The following GPC5 variants were observed in gnomAD, a reference collection of about 807,000 sequenced individuals.
GPC5 encodes glypican-5.
A neutral mutation model predicts 53.9 loss-of-function variants in GPC5; 47 were observed. The observed-to-expected ratio is 0.87, with a 90% CI of 0.69 to 1.11. The LOEUF is 1.11. GPC5 is among the 50% of genes most tolerant of loss of function. The probability of loss-of-function intolerance (pLI) is 0.00; values close to 1 mark genes in which losing one functional copy is unlikely to be tolerated. For missense variants in GPC5, 748 were observed against 713.1 expected, an observed-to-expected ratio of 1.05 and a Z score of -0.56; for synonymous variants, 286 against 263.3, an observed-to-expected ratio of 1.09 and a Z score of -0.84.
chr13:91,600,631 TG>T (rs201273685), intron 2 of GPC5, among the ~76,000 whole-genome samples: 1,793 of 151,986 alleles, frequency 0.012, 28 homozygotes, highest in African/African-American at 0.041. Context: ...TTTTTTGAGA[TG>T]GGGTCTCGCT....
chr13:92,213,291 G>T (rs1408829245), intron 7 of GPC5, among the ~76,000 whole-genome samples: 1 of 152,076 alleles, frequency 6.6e-6, no homozygotes. Flanking sequence ...CATCCTCCCG[G>T]AGCTTACAAA....
At chr13:91,812,863 C>T (rs1311081892) in intron 5 of GPC5, among the ~76,000 whole-genome samples, 1 of 152,168 alleles carries the variant, frequency 6.6e-6, no homozygotes, top group Non-Finnish European at 1.5e-5. Flanking sequence ...CTCGCTTTTT[C>T]TACCCTCTGA....
intron 2 of GPC5, among the ~76,000 whole-genome samples, chr13:91,599,103 G>C (rs563049329): frequency 6.6e-6 from 1 of 152,128 alleles, no homozygotes; most frequent in South Asian, 2.1e-4. Flanking sequence ...GAATTGTAGA[G>C]TGGCCTGAGA....
At chr13:92,386,549 A>C (rs1874734590) in intron 7 of GPC5, among the ~76,000 whole-genome samples, 1 of 152,012 alleles carries the variant, frequency 6.6e-6, no homozygotes, top group South Asian at 2.1e-4. Context: ...TTAATATACC[A>C]ATTGTGTGTA....
chr13:91,889,461 T>TA (rs1173254120), intron 5 of GPC5, among the ~76,000 whole-genome samples: 2 of 80,984 alleles, frequency 2.5e-5, no homozygotes, highest in African/African-American at 2.3e-4. Context: ...GTTTTACTGA[T>TA]TTTTTTTTTC....
chr13:91,936,819 A>G (rs1201654587), intron 6 of GPC5, among the ~76,000 whole-genome samples: 1 of 151,974 alleles, frequency 6.6e-6, no homozygotes, highest in Non-Finnish European at 1.5e-5. Flanking sequence ...GGGCCTTGGG[A>G]GCCATCTACT....
intron 6 of GPC5, among the ~76,000 whole-genome samples, chr13:91,924,720 G>A (rs1451762542): frequency 2.6e-5 from 4 of 152,014 alleles, no homozygotes; most frequent in Non-Finnish European, 5.9e-5. Context: ...CAGCCTGGGT[G>A]ACATAGTGAG....
chr13:91,840,458 T>A (rs768748532), intron 5 of GPC5, among the ~76,000 whole-genome samples: 25 of 152,098 alleles, frequency 1.6e-4, no homozygotes, highest in Non-Finnish European at 2.8e-4. Context: ...GGGAAAACTG[T>A]ATTAACGGTT....
In GPC5 at chr13:92,504,491, T is replaced by C. The variant is rs149661961; in HGVS notation, c.1561+359502T>C. On this transcript the variant is annotated intron_variant, in intron 7 of 7. Coordinates refer to ENST00000377067, the MANE Select transcript of GPC5 (RefSeq NM_004466.6). ...TTGGCCAATATATAAAACTTGATTC[T>C]AAAATGTATATAGAAAAGGACAAAA... is the stretch of plus-strand genomic sequence containing the variant. Among the ~76,000 whole-genome samples the C allele has an allele frequency of 4.0e-3, 607 of 152,148 alleles. 7 individuals are homozygous for C. The highest frequency in any genetic ancestry group is 0.014 in the African/African-American group (591 of 41,562).
At chr13:92,136,604 T>A (rs750188249) in intron 6 of GPC5, among the ~76,000 whole-genome samples, 7 of 152,210 alleles carry the variant, frequency 4.6e-5, no homozygotes, top group Non-Finnish European at 7.3e-5. Context: ...ACATATTTAC[T>A]TCTCATATAT....
chr13:91,827,072 G>A (rs72647279), intron 5 of GPC5, among the ~76,000 whole-genome samples: 7,321 of 151,764 alleles, frequency 0.048, 367 homozygotes, highest in East Asian at 0.22. Flanking sequence ...ATAAAATAGT[G>A]GAATTGGAAT....
chr13:92,562,607 G>T (rs1377160713), intron 7 of GPC5, among the ~76,000 whole-genome samples: 3 of 151,954 alleles, frequency 2.0e-5, no homozygotes, highest in Admixed American at 6.6e-5. Context: ...CCCTATGTGG[G>T]CTTCTCTTCC....
At chr13:91,913,254 CTGGGCATTG>C (rs1318614319) in intron 6 of GPC5, among the ~76,000 whole-genome samples, 1 of 151,998 alleles carries the variant, frequency 6.6e-6, no homozygotes, top group Non-Finnish European at 1.5e-5. Flanking sequence ...CAAAAATTAG[CTGGGCATTG>C]TGGCGTGCAC....
chr13:92,398,724 C>G (rs2139333548), intron 7 of GPC5, among the ~76,000 whole-genome samples: 1 of 152,258 alleles, frequency 6.6e-6, no homozygotes, highest in South Asian at 2.1e-4. Flanking sequence ...ATCCATATGT[C>G]CAAAACTAAA....
intron 6 of GPC5, among the ~76,000 whole-genome samples, chr13:92,097,857 G>C (rs2041434049): frequency 6.6e-6 from 1 of 152,170 alleles, no homozygotes; most frequent in Non-Finnish European, 1.5e-5. Context: ...ATTGAGCCCA[G>C]AGGGACTAGA....
Position 91,602,911 on chromosome 13 carries a change from G to T in GPC5, c.326-90276G>T, listed in dbSNP as rs142755291. Among the ~76,000 whole-genome samples, 238 of 152,254 alleles carry T rather than the reference G, an allele frequency of 1.6e-3. 2 individuals carry two copies. The highest frequency in any genetic ancestry group is 6.8e-3 in the Middle Eastern group (2 of 294). On this transcript the variant is annotated intron_variant, in intron 2 of 7. Transcript: ENST00000377067. Reference sequence around the variant, plus strand: ...TATCTCTAGCAAGGAACTAAGATACGCCTAGAATATGGAGTTATGTGCCTT... The same window carrying T: ...TATCTCTAGCAAGGAACTAAGATACTCCTAGAATATGGAGTTATGTGCCTT...
chr13:92,423,245 A>G (rs1876664204), intron 7 of GPC5, among the ~76,000 whole-genome samples: 1 of 152,222 alleles, frequency 6.6e-6, no homozygotes, highest in South Asian at 2.1e-4. Context: ...CAACACATGA[A>G]TTTGTTGGGG....
At chr13:92,322,365 T>C (rs1324067985) in intron 7 of GPC5, among the ~76,000 whole-genome samples, 1 of 152,118 alleles carries the variant, frequency 6.6e-6, no homozygotes, top group South Asian at 2.1e-4. Context: ...AGGCAAATTA[T>C]ATGAGACATT....
chr13:92,627,305 C>T (rs1226266979), intron 7 of GPC5, among the ~76,000 whole-genome samples: 1 of 152,166 alleles, frequency 6.6e-6, no homozygotes, highest in African/African-American at 2.4e-5. Context: ...CATTATTTAT[C>T]ATTTCTGCAA....
Sources: allele counts gnomAD v4.1 joint callset (sites outside exome capture counted in the v4.1 genomes callset), GRCh38; gene constraint gnomAD v4.1.1; transcripts MANE v1.5; gene names NCBI Gene and HGNC (gene_info 2026-07-23, HGNC 2026-07-21).